MGA: variants seen among roughly 807,000 people sequenced by gnomAD.
The protein encoded by MGA is MAX dimerization protein MGA.
In MGA, 40 loss-of-function variants were observed where a neutral mutation model predicts 261.1. That is an observed-to-expected ratio of 0.15 (90% CI 0.12 to 0.20). MGA has a LOEUF of 0.20. MGA is among the 10% of genes least tolerant of loss of function. MGA has a pLI of 1.00. For synonymous variants in MGA, 1,302 were observed against 1,290.6 expected (o/e 1.01, Z -0.19); for missense variants, 3,397 against 3,630.5 (o/e 0.94, Z 1.65).
Position 41,729,327 on chromosome 15 carries a change from C to T in MGA, c.3821C>T (p.Pro1274Leu), listed in dbSNP as rs770386869. 6.2e-7 allele frequency: 1 copy of T among 1,612,818 alleles called. No homozygotes were observed. Among genetic ancestry groups the T allele is most frequent in the Non-Finnish European group, 8.5e-7 (1 of 1,179,608 alleles). The change falls in exon 11 of 24, where the codon CCT becomes CTT. Residue 1274 changes from proline to leucine, a missense_variant. Physicochemically the swap from Pro to Leu is moderately conservative, Grantham distance 98 (BLOSUM62 -3). Coordinates refer to ENST00000219905, the MANE Select transcript of MGA (RefSeq NM_001164273.2). ...CAGCAAACTTCATGTCATTCTAGCCCTGAGAACCATAATAATGCAAAGGTG... is the reference window on the plus strand; with the variant it reads ...CAGCAAACTTCATGTCATTCTAGCCTTGAGAACCATAATAATGCAAAGGTG...
intron 2 of MGA, among the ~76,000 whole-genome samples, chr15:41,679,798 A>G (rs567762281): frequency 6.6e-6 from 1 of 152,050 alleles, no homozygotes; most frequent in Non-Finnish European, 1.5e-5. Context: ...AGATTGCACC[A>G]TCTATTAAAA....
At chr15:41,656,418 T>C (rs1024322385), upstream of MGA, among the ~76,000 whole-genome samples, 1 of 140,790 alleles carries the variant, frequency 7.1e-6, no homozygotes, top group African/African-American at 2.5e-5. Context: ...CTTGACTCAC[T>C]GCAACCTCTG....
At chr15:41,692,999 AT>A (rs1235994720) in intron 2 of MGA, among the ~76,000 whole-genome samples, 1 of 151,914 alleles carries the variant, frequency 6.6e-6, no homozygotes, top group Non-Finnish European at 1.5e-5. Flanking sequence ...CGCCCAGCCA[AT>A]TTTTTAAAAA....
At chr15:41,757,301 A>G (rs1437008131) in intron 18 of MGA, among the ~76,000 whole-genome samples, 2 of 152,212 alleles carry the variant, frequency 1.3e-5, no homozygotes, top group African/African-American at 4.8e-5. Context: ...TTGCATCTGT[A>G]TTGAACATGT....
chr15:41,696,289 C>G lies in MGA; in HGVS notation c.1279C>G (p.Leu427Val), dbSNP rs1391111785. 1.2e-6 allele frequency: 2 copies of G among 1,613,908 alleles called. No homozygotes were observed. The highest frequency in any genetic ancestry group is 2.7e-5 in the African/African-American group (2 of 75,050). Residue 427 changes from leucine to valine, a missense_variant, in exon 3 of 24, where the codon CTA (leucine) becomes GTA (valine). By Grantham distance (32) the Leu-to-Val change is conservative. This residue lies in a region of MGA where 563 missense variants were observed against 563.6 expected (regional missense o/e 1.00). Transcript: ENST00000219905. The stretch of plus-strand genomic sequence containing the variant: ...TGATGATCCTATACTAGAGAAACAG[C>G]TAAAGAGGCACAATAAAGTTGACAA...
At chr15:41,681,418 T>A (rs1027418879) in intron 2 of MGA, among the ~76,000 whole-genome samples, 1 of 151,776 alleles carries the variant, frequency 6.6e-6, no homozygotes, top group Non-Finnish European at 1.5e-5. Flanking sequence ...TTTTTTTAAT[T>A]CTGTTAGTGT....
chr15:41,627,588 TA>T, intron 1 of MGA, among the ~76,000 whole-genome samples: 1 of 152,368 alleles, frequency 6.6e-6, no homozygotes, highest in Non-Finnish European at 1.5e-5. Context: ...CTAATATTAA[TA>T]AAATTTGTTA....
At chr15:41,721,301 C>G (rs760178283) in intron 9 of MGA, among the ~76,000 whole-genome samples, 2 of 152,200 alleles carry the variant, frequency 1.3e-5, no homozygotes, top group African/African-American at 2.4e-5. Context: ...AACCCCATCT[C>G]TACCAAAAAT....
chr15:41,671,669 A>G (rs1265662735), intron 2 of MGA, among the ~76,000 whole-genome samples: 2 of 152,166 alleles, frequency 1.3e-5, no homozygotes, highest in African/African-American at 4.8e-5. Flanking sequence ...AAGTTCAGCA[A>G]AAGTAAAGAA....
chr15:41,740,139 T>A lies in MGA; in HGVS notation c.4521T>A (p.Ser1507=), dbSNP rs1346965259. ...CCAATTCCAAAATGGCATCCTCCTC[T>A]GGCACTGCAACAAATCGCCCTGGGA... Residue 1507 remains serine (S), a synonymous_variant, in exon 14 of 24, where the codon TCT becomes TCA. Coordinates refer to ENST00000219905, the MANE Select transcript of MGA (RefSeq NM_001164273.2). 1 of 1,614,022 alleles carries A rather than the reference T, an allele frequency of 6.2e-7. No individual in the cohort carries two copies. Among genetic ancestry groups the A allele is most frequent in the South Asian group, 1.1e-5 (1 of 91,088 alleles).
chr15:41,633,967 T>C (rs1214619806), intron 1 of MGA, among the ~76,000 whole-genome samples: 1 of 152,142 alleles, frequency 6.6e-6, no homozygotes, highest in African/African-American at 2.4e-5. Context: ...CTTCATCTCC[T>C]TGCTTTTCCT....
At position 41,674,362 on chromosome 15, in the gene MGA, A is replaced by AT. The variant is rs558831871; in HGVS notation, c.1064+4411dup. On this transcript the variant is annotated intron_variant, in intron 2 of 23. Transcript: ENST00000219905. ...AGGTGCCTACCACCATGCCCGACTA[A>AT]TTTTTTTGTATTTTCAGTAGAGGTG... Among the ~76,000 whole-genome samples the AT allele has an allele frequency of 5.5e-5, 8 of 146,042 alleles. No individual in the cohort carries two copies. In the Admixed American group the frequency reaches 5.5e-4, roughly 10 times the overall value.
intron 22 of MGA, 108 bp from the exon 23 acceptor site, chr15:41,764,778 A>C: frequency 9.0e-7 from 1 of 1,109,114 alleles, no homozygotes; most frequent in Non-Finnish European, 1.3e-6. Flanking sequence ...TCCTGGGCTC[A>C]AGTGATCTGC....
chr15:41,749,530 C>A lies in MGA; in HGVS notation c.5923C>A (p.Pro1975Thr). The change falls in exon 17 of 24, where the codon CCA (proline) becomes ACA (threonine). Residue 1975 changes from proline (P) to threonine (T), a missense_variant. Around this residue, in one of 9 missense-constraint regions of MGA, gnomAD observed 1,410 missense variants for 1,386.4 expected, o/e 1.02. Coordinates refer to ENST00000219905, the MANE Select transcript of MGA (RefSeq NM_001164273.2). Reference sequence around the variant, plus strand: ...TCAGATGAAGAGAGAATCTCAGAATCCAGACCAGAAAGATGAAACAAACTC... The same window carrying A: ...TCAGATGAAGAGAGAATCTCAGAATACAGACCAGAAAGATGAAACAAACTC... 1.9e-6 allele frequency: 3 copies of A among 1,613,864 alleles called. No individual in the cohort carries two copies. Among genetic ancestry groups the A allele is most frequent in the Non-Finnish European group, 2.5e-6 (3 of 1,179,870 alleles).
At chr15:41,726,875 T>G (rs905543109) in intron 9 of MGA, among the ~76,000 whole-genome samples, 2 of 152,194 alleles carry the variant, frequency 1.3e-5, no homozygotes, top group Non-Finnish European at 2.9e-5. Context: ...TATTTATGGG[T>G]TTGTCTTCCC....
chr15:41,711,321 T>C lies in MGA; in HGVS notation c.3056T>C (p.Val1019Ala). Residue 1019 changes from valine (V) to alanine (A), a missense_variant, in exon 8 of 24, where the codon GTA (valine) becomes GCA (alanine). Val to Ala is a moderately conservative substitution (Grantham distance 64, BLOSUM62 0). Around this residue, in one of 9 missense-constraint regions of MGA, gnomAD observed 519 missense variants for 554.1 expected, o/e 0.94. Transcript: ENST00000219905. ...TACATCACAGAAGAGCGAGCAGATGTATCCTTAACAACTCTACTTACAGCT... is the reference window on the plus strand; with the variant it reads ...TACATCACAGAAGAGCGAGCAGATGCATCCTTAACAACTCTACTTACAGCT... 6.2e-7 allele frequency: 1 copy of C among 1,610,000 alleles called. No homozygotes were observed. The highest frequency in any genetic ancestry group is 8.5e-7 in the Non-Finnish European group (1 of 1,178,224).
At chr15:41,644,501 C>T (rs2056894736) in intron 1 of MGA, among the ~76,000 whole-genome samples, 1 of 151,644 alleles carries the variant, frequency 6.6e-6, no homozygotes. Flanking sequence ...ACTAAAAATA[C>T]TAAAAATTAG....
intron 9 of MGA, among the ~76,000 whole-genome samples, chr15:41,716,688 T>G (rs2060656032): frequency 6.6e-6 from 1 of 152,144 alleles, no homozygotes; most frequent in Non-Finnish European, 1.5e-5. Context: ...AGCATTTTAT[T>G]TAGAATGATT....
intron 5 of MGA, among the ~76,000 whole-genome samples, chr15:41,699,493 A>ATGTGTG (rs10637801): frequency 2.0e-5 from 3 of 150,940 alleles, no homozygotes; most frequent in Admixed American, 6.6e-5. Context: ...GCTTTTGTTT[A>ATGTGTG]TGTGTGTGTG....
Sources: gnomAD v4.1 joint callset for allele counts (sites outside exome capture counted in the v4.1 genomes callset) on GRCh38, gnomAD v4.1.1 for gene constraint, gnomAD v4.1.1 regional missense constraint, MANE v1.5 for transcripts, NCBI Gene and HGNC (gene_info 2026-07-23, HGNC 2026-07-21) for gene names.